STARD9: variants seen among roughly 807,000 people sequenced by gnomAD.
The protein encoded by STARD9 is stAR-related lipid transfer protein 9.
A neutral mutation model predicts 399.8 loss-of-function variants in STARD9; 346 were observed. That is an observed-to-expected ratio of 0.87 (90% confidence interval 0.79 to 0.95). The LOEUF is 0.95. Among genes scored for constraint, STARD9 ranks in the 40% least tolerant of loss-of-function variants. STARD9 has a pLI of 0.00. For synonymous variants in STARD9, 2,203 were observed against 2,143.5 expected (o/e 1.03, Z -0.77); for missense variants, 5,832 against 5,667.5 (o/e 1.03, Z -0.93).
Position 42,718,774 on chromosome 15 carries a change from C to A in STARD9, c.13865C>A (p.Ala4622Asp). ...CAGGGTCACCTGTCTGTCATGGCAGCCCAGTCTGTGTATGATACATCCATG... is the reference window on the plus strand; with the variant it reads ...CAGGGTCACCTGTCTGTCATGGCAGACCAGTCTGTGTATGATACATCCATG... ...AKEGHLSVMA[A>D]QSVYDTSMPR... Residue 4622 changes from alanine (A) to aspartate (D), a missense_variant, in exon 32 of 33, where the codon GCC becomes GAC. This residue lies in a region of STARD9 where 5,828 missense variants were observed against 5,651.1 expected (regional missense o/e 1.03). Coordinates refer to ENST00000290607, the MANE Select transcript of STARD9 (RefSeq NM_020759.3). The A allele has an allele frequency of 2.6e-6, 4 of 1,537,244 alleles. No homozygotes were observed. Among genetic ancestry groups the A allele is most frequent in the Non-Finnish European group, 3.5e-6 (4 of 1,146,904 alleles).
chr15:42,633,683 G>A (rs550231775), intron 3 of STARD9, among the ~76,000 whole-genome samples: 12 of 145,230 alleles, frequency 8.3e-5, no homozygotes, highest in Non-Finnish European at 1.8e-4. Context: ...TCACTCTGTC[G>A]CCTAGGCTGG....
Position 42,689,190 on chromosome 15 carries a change from C to G in STARD9, c.7612C>G (p.Leu2538Val), listed in dbSNP as rs1457083609. The change falls in exon 23 of 33, where the codon CTG (leucine) becomes GTG (valine). Residue 2538 changes from leucine (L) to valine (V), a missense_variant. Coordinates refer to ENST00000290607, the MANE Select transcript of STARD9 (RefSeq NM_020759.3). ...GAGGGTGCCCAGTCCAGAGCCTAGG[C>G]TGTTGGAGCCCTCTGACCATGCATC... ...LPRVPSPEPR[L>V]LEPSDHASMC... The G allele has an allele frequency of 2.6e-6, 4 of 1,537,274 alleles. No individual in the cohort carries two copies. The highest frequency in any genetic ancestry group is 3.5e-6 in the Non-Finnish European group (4 of 1,146,918).
chr15:42,655,035 A>G (rs2059837344), intron 9 of STARD9, among the ~76,000 whole-genome samples: 1 of 152,196 alleles, frequency 6.6e-6, no homozygotes, highest in Non-Finnish European at 1.5e-5. Flanking sequence ...TAATCCCAGC[A>G]CTTTGGGAGG....
chr15:42,712,076 A>G lies in STARD9; in HGVS notation c.13285-4601A>G, dbSNP rs1329280418. 4.7e-5 allele frequency among the ~76,000 whole-genome samples: 2 copies of G among 42,540 alleles called. 1 individual carries two copies. The highest frequency in any genetic ancestry group is 7.0e-4 in the Admixed American group (2 of 2,838). The allele number at this position is 42,540 out of a possible 152,430, so 27.9% of individuals were successfully genotyped here. On this transcript the variant is annotated intron_variant, in intron 26 of 32. Transcript: ENST00000290607. ...GTTGAGCATCTTTTTATATATATAT[A>G]TATATTATATATATATATATAATAT...
In STARD9 at chr15:42,690,218, T is replaced by G; in HGVS notation, c.8640T>G (p.Val2880=). The G allele has an allele frequency of 6.5e-7, 1 of 1,537,614 alleles. No homozygotes were observed. Among genetic ancestry groups the G allele is most frequent in the Non-Finnish European group, 8.7e-7 (1 of 1,147,006 alleles). Reference sequence around the variant, plus strand: ...AGTGTGTGCAGTGTAAGGAGAGTGTTGGGTCTGGGTTGACAGAAGTCTGCA... The same window carrying G: ...AGTGTGTGCAGTGTAAGGAGAGTGTGGGGTCTGGGTTGACAGAAGTCTGCA... The part of the protein sequence containing the change: ...TQQCVQCKES[V]GSGLTEVCRA... The change falls in exon 23 of 33, where the codon GTT becomes GTG. Residue 2880 remains valine, a synonymous_variant. Coordinates refer to ENST00000290607, the MANE Select transcript of STARD9 (RefSeq NM_020759.3).
chr15:42,691,452 T>C lies in STARD9; in HGVS notation c.9874T>C (p.Tyr3292His), dbSNP rs1292499768. 3 of 1,537,098 alleles carry C rather than the reference T, an allele frequency of 2.0e-6. No individual in the cohort carries two copies. The highest frequency in any genetic ancestry group is 2.6e-6 in the Non-Finnish European group (3 of 1,146,906). The change falls in exon 23 of 33, where the codon TAC (tyrosine) becomes CAC (histidine). Residue 3292 changes from tyrosine to histidine, a missense_variant. Tyr to His is a moderately conservative substitution (Grantham distance 83). Around this residue, in one of 2 missense-constraint regions of STARD9, gnomAD observed 5,828 missense variants for 5,651.1 expected, o/e 1.03. Coordinates refer to ENST00000290607, the MANE Select transcript of STARD9 (RefSeq NM_020759.3). ...TGCTGCTCAGAGGAGTGGCCACCTC[T>C]ACACTGGCAGAGAGCAGCCAGCACC... ...QPAAQRSGHLYTGREQPAPNH... is the reference protein window; with the variant it reads ...QPAAQRSGHLHTGREQPAPNH...
intron 3 of STARD9, among the ~76,000 whole-genome samples, chr15:42,607,295 T>G (rs865930992): frequency 1.4e-5 from 2 of 139,886 alleles, no homozygotes; most frequent in Non-Finnish European, 1.5e-5. Context: ...CTTCGCCTCC[T>G]GGGTTCAAGC....
At chr15:42,709,774 G>A (rs2061171462) in intron 26 of STARD9, among the ~76,000 whole-genome samples, 2 of 152,112 alleles carry the variant, frequency 1.3e-5, no homozygotes, top group Non-Finnish European at 2.9e-5. Flanking sequence ...GTCTACTGGT[G>A]TATCTTACCT....
intron 3 of STARD9, among the ~76,000 whole-genome samples, chr15:42,622,874 G>A (rs537835505): frequency 1.3e-5 from 2 of 152,288 alleles, no homozygotes; most frequent in Admixed American, 6.5e-5. Flanking sequence ...ACTGAAGAGA[G>A]GCCTTTATCT....
intron 3 of STARD9, among the ~76,000 whole-genome samples, chr15:42,601,175 G>C (rs996691000): frequency 6.6e-6 from 1 of 152,070 alleles, no homozygotes; most frequent in African/African-American, 2.4e-5. Context: ...AGAGAGCACG[G>C]GTTGGGGGTA....
intron 21 of STARD9, 44 bp from the exon 22 acceptor site, chr15:42,682,060 G>T: frequency 7.5e-7 from 1 of 1,328,310 alleles, no homozygotes; most frequent in Admixed American, 2.1e-5. Context: ...CCACAAGCAG[G>T]GAAGGAGATG....
At chr15:42,651,661 CT>C (rs964492452) in intron 8 of STARD9, among the ~76,000 whole-genome samples, 22 of 151,820 alleles carry the variant, frequency 1.4e-4, no homozygotes, top group Non-Finnish European at 2.5e-4. Context: ...GTAAAAAGGT[CT>C]TTAGAGCCTT....
intron 3 of STARD9, among the ~76,000 whole-genome samples, chr15:42,627,915 C>T (rs183575477): frequency 3.9e-5 from 6 of 152,198 alleles, no homozygotes; most frequent in Middle Eastern, 3.2e-3. Flanking sequence ...TTTTGACATA[C>T]TGATTTCATT....
At chr15:42,606,868 C>T (rs766314180) in intron 3 of STARD9, among the ~76,000 whole-genome samples, 9 of 152,064 alleles carry the variant, frequency 5.9e-5, no homozygotes, top group South Asian at 4.1e-4. Flanking sequence ...CTCTCTAAGG[C>T]ACAAAAAATA....
At chr15:42,633,646 CT>C (rs1245567571) in intron 3 of STARD9, among the ~76,000 whole-genome samples, 303 of 138,640 alleles carry the variant, frequency 2.2e-3, no homozygotes, top group Admixed American at 3.0e-3. Context: ...TTCTTTCTTT[CT>C]TTTTTTTTTT....
chr15:42,667,957 T>G (rs1394002725), intron 15 of STARD9, among the ~76,000 whole-genome samples: 1 of 152,260 alleles, frequency 6.6e-6, no homozygotes, highest in Non-Finnish European at 1.5e-5. Context: ...AGTCATGTAT[T>G]CTGATTTTTT....
At chr15:42,621,310 C>A (rs1451364794) in intron 3 of STARD9, among the ~76,000 whole-genome samples, 1 of 152,174 alleles carries the variant, frequency 6.6e-6, no homozygotes, top group East Asian at 1.9e-4. Context: ...TATCTGTGAT[C>A]CATGGTTATA....
Position 42,718,871 on chromosome 15 carries a change from G to A in STARD9, c.13962G>A (p.Val4654=), listed in dbSNP as rs1245516842. ...CCTGGATCTTGCAGCCCATCACTGTGGAAGGGAAGGAAGTCACCAGAGTCA... is the reference window on the plus strand; with the variant it reads ...CCTGGATCTTGCAGCCCATCACTGTAGAAGGGAAGGAAGTCACCAGAGTCA... The part of the protein sequence containing the change: ...PSAWILQPIT[V]EGKEVTRVIY... Residue 4654 remains valine, a synonymous_variant, in exon 32 of 33, where the codon GTG becomes GTA. Coordinates refer to ENST00000290607, the MANE Select transcript of STARD9 (RefSeq NM_020759.3). 1.3e-6 allele frequency: 2 copies of A among 1,537,108 alleles called. No individual in the cohort carries two copies.
intron 7 of STARD9, among the ~76,000 whole-genome samples, chr15:42,648,868 C>A (rs565507049): frequency 6.6e-6 from 1 of 152,050 alleles, no homozygotes; most frequent in South Asian, 2.1e-4. Context: ...TGCCTGTATA[C>A]TCTGTGAGTC....
Sources: allele counts gnomAD v4.1 joint callset (sites outside exome capture counted in the v4.1 genomes callset), GRCh38; gene constraint gnomAD v4.1.1; regional missense constraint gnomAD v4.1.1; transcripts MANE v1.5; gene names NCBI Gene and HGNC (gene_info 2026-07-23, HGNC 2026-07-21).